RFPL4B: variants seen among roughly 807,000 people sequenced by gnomAD.
RFPL4B encodes ret finger protein like 4B, also known as ret finger protein-like 4B.
For synonymous variants in RFPL4B, 118 were observed against 126.3 expected (o/e 0.93, Z 0.44); for missense variants, 314 against 327.7 (o/e 0.96, Z 0.32).
rs140220240 is a variant in RFPL4B at position 112,350,088 on chromosome 6, C to T, written c.380C>T (p.Thr127Ile). The change falls in exon 3 of 3, where the codon ACA (threonine) becomes ATA (isoleucine). Residue 127 changes from threonine to isoleucine, a missense_variant. Coordinates refer to ENST00000441065, the MANE Select transcript of RFPL4B (RefSeq NM_001013734.3). ...TGTAAGAAGATCCACCACGATCTGACAAAAGATCCCAGGCTGGCCTGTGTC... is the reference window on the plus strand; with the variant it reads ...TGTAAGAAGATCCACCACGATCTGATAAAAGATCCCAGGCTGGCCTGTGTC... ...AQCKKIHHDL[T>I]KDPRLACVLG... 67 of 1,614,194 alleles carry T rather than the reference C, an allele frequency of 4.2e-5. No homozygotes were observed. In the African/African-American group the frequency reaches 7.7e-4, roughly 19 times the overall value.
intron 1 of RFPL4B, among the ~76,000 whole-genome samples, chr6:112,347,927 T>C (rs1302265348): frequency 6.6e-6 from 1 of 151,530 alleles, no homozygotes; most frequent in Non-Finnish European, 1.5e-5. Flanking sequence ...TGAGCCGAGA[T>C]GGAGCCACTG....
chr6:112,350,127 G>C lies in RFPL4B; in HGVS notation c.419G>C (p.Cys140Ser). The C allele has an allele frequency of 1.2e-6, 2 of 1,614,208 alleles. No homozygotes were observed. Among genetic ancestry groups the C allele is most frequent in the East Asian group, 4.5e-5 (2 of 44,878 alleles). The change falls in exon 3 of 3, where the codon TGC (cysteine) becomes TCC (serine). Residue 140 changes from cysteine to serine, a missense_variant. Physicochemically the swap from Cys to Ser is moderately radical, Grantham distance 112 (BLOSUM62 -1). Coordinates refer to ENST00000441065, the MANE Select transcript of RFPL4B (RefSeq NM_001013734.3). ...PRLACVLGTP[C>S]FSSGQHYWEV... ...CTGGCCTGTGTCCTGGGTACTCCCT[G>C]CTTCTCCTCCGGCCAACATTACTGG... is the stretch of plus-strand genomic sequence containing the variant.
chr6:112,347,552 A>G (rs1390911512), intron 1 of RFPL4B, 145 bp downstream of exon 1: 1 of 152,238 alleles, frequency 6.6e-6, no homozygotes, highest in African/African-American at 2.4e-5. Flanking sequence ...CTTCACCTTT[A>G]ACTATAACTT....
Position 112,349,973 on chromosome 6 carries a change from G to A in RFPL4B, c.265G>A (p.Glu89Lys). The change falls in exon 3 of 3, where the codon GAG becomes AAG. Residue 89 changes from glutamate to lysine, a missense_variant. Physicochemically the swap from Glu to Lys is moderately conservative, Grantham distance 56 (BLOSUM62 1). Transcript: ENST00000441065. ...RLEQSLHVREELRHFREDVTL... is the reference protein window; with the variant it reads ...RLEQSLHVREKLRHFREDVTL... ...TGAGCAAAGTCTGCACGTGAGGGAG[G>A]AGCTCCGGCATTTTCGGGAGGATGT... is the stretch of plus-strand genomic sequence containing the variant. 2 of 1,614,174 alleles carry A rather than the reference G, an allele frequency of 1.2e-6. No individual in the cohort carries two copies. Among genetic ancestry groups the A allele is most frequent in the Admixed American group, 3.3e-5 (2 of 60,022 alleles).
At chr6:112,349,155 T>A (rs1354470342) in intron 1 of RFPL4B, 38 bp from the exon 2 acceptor site, 2 of 152,334 alleles carry the variant, frequency 1.3e-5, no homozygotes, top group East Asian at 3.9e-4. Flanking sequence ...TTTTCATTAT[T>A]GAATTTAGAC....
Position 112,350,275 on chromosome 6 carries a change from C to T in RFPL4B, c.567C>T (p.Ile189=). The part of the protein sequence containing the change: ...GFWISMKAGA[I]HANTHLERIP... ...GGATCAGCATGAAGGCAGGAGCAAT[C>T]CATGCTAACACCCACCTGGAGAGAA... Residue 189 remains isoleucine, a synonymous_variant, in exon 3 of 3, where the codon ATC becomes ATT. Transcript: ENST00000441065. The T allele has an allele frequency of 6.2e-7, 1 of 1,614,184 alleles. No homozygotes were observed. The highest frequency in any genetic ancestry group is 8.5e-7 in the Non-Finnish European group (1 of 1,180,014).
Position 112,350,276 on chromosome 6 carries a change from C to T in RFPL4B, c.568C>T (p.His190Tyr), listed in dbSNP as rs1789136718. 6.2e-7 allele frequency: 1 copy of T among 1,614,228 alleles called. No individual in the cohort carries two copies. The highest frequency in any genetic ancestry group is 8.5e-7 in the Non-Finnish European group (1 of 1,180,038). ...FWISMKAGAI[H>Y]ANTHLERIPA... ...GATCAGCATGAAGGCAGGAGCAATC[C>T]ATGCTAACACCCACCTGGAGAGAAT... Residue 190 changes from histidine (H) to tyrosine (Y), a missense_variant, in exon 3 of 3, where the codon CAT becomes TAT. Physicochemically the swap from His to Tyr is moderately conservative, Grantham distance 83. Transcript: ENST00000441065.
chr6:112,349,881 T>A lies in RFPL4B; in HGVS notation c.173T>A (p.Val58Glu). The A allele has an allele frequency of 6.2e-7, 1 of 1,614,146 alleles. No homozygotes were observed. Among genetic ancestry groups the A allele is most frequent in the Non-Finnish European group, 8.5e-7 (1 of 1,180,004 alleles). Residue 58 changes from valine (V) to glutamate (E), a missense_variant, in exon 3 of 3, where the codon GTA (valine) becomes GAA (glutamate). Val to Glu is a moderately radical substitution (Grantham distance 121). Coordinates refer to ENST00000441065, the MANE Select transcript of RFPL4B (RefSeq NM_001013734.3). ...CCCTTGTGTCGAGACGTGGTGAAGGTACCTGCTTTGGAAGAATGGCAAGTG... is the reference window on the plus strand; with the variant it reads ...CCCTTGTGTCGAGACGTGGTGAAGGAACCTGCTTTGGAAGAATGGCAAGTG... The part of the protein sequence containing the change: ...MCPLCRDVVK[V>E]PALEEWQVSV...
rs751667040 is a variant in RFPL4B, at chr6:112,350,256, G to A, written c.548G>A (p.Ser183Asn). Residue 183 changes from serine to asparagine, a missense_variant, in exon 3 of 3, where the codon AGC becomes AAC. Ser to Asn is a conservative substitution (Grantham distance 46, BLOSUM62 1). Coordinates refer to ENST00000441065, the MANE Select transcript of RFPL4B (RefSeq NM_001013734.3). ...DLFPEHGFWI[S>N]MKAGAIHANT... ...TTCCCTGAGCATGGCTTCTGGATCA[G>A]CATGAAGGCAGGAGCAATCCATGCT... 1.2e-6 allele frequency: 2 copies of A among 1,614,106 alleles called. No individual in the cohort carries two copies. The highest frequency in any genetic ancestry group is 1.3e-5 in the African/African-American group (1 of 74,956).
At position 112,350,007 on chromosome 6, in the gene RFPL4B, A is replaced by G; in HGVS notation, c.299A>G (p.Asp100Gly). Reference sequence around the variant, plus strand: ...CATTTTCGGGAGGATGTGACCCTGGATGCAGCCACTGCCAGCTCCCTCCTT... The same window carrying G: ...CATTTTCGGGAGGATGTGACCCTGGGTGCAGCCACTGCCAGCTCCCTCCTT... ...LRHFREDVTL[D>G]AATASSLLVF... Residue 100 changes from aspartate to glycine, a missense_variant, in exon 3 of 3, where the codon GAT becomes GGT. Asp to Gly is a moderately conservative substitution (Grantham distance 94, BLOSUM62 -1). Transcript: ENST00000441065. 1 of 1,614,192 alleles carries G rather than the reference A, an allele frequency of 6.2e-7. No individual in the cohort carries two copies. The highest frequency in any genetic ancestry group is 8.5e-7 in the Non-Finnish European group (1 of 1,180,046).
rs1269943437 is a variant in RFPL4B, at chr6:112,350,099, A to C, written c.391A>C (p.Arg131=). The C allele has an allele frequency of 6.2e-7, 1 of 1,614,118 alleles. No homozygotes were observed. Among genetic ancestry groups the C allele is most frequent in the Admixed American group, 1.7e-5 (1 of 60,010 alleles). Residue 131 remains arginine, a synonymous_variant, in exon 3 of 3, where the codon AGG becomes CGG. Transcript: ENST00000441065. ...CCACCACGATCTGACAAAAGATCCC[A>C]GGCTGGCCTGTGTCCTGGGTACTCC... ...KIHHDLTKDP[R]LACVLGTPCF...
intron 1 of RFPL4B, among the ~76,000 whole-genome samples, chr6:112,348,659 G>A (rs1245997193): frequency 6.6e-6 from 1 of 152,196 alleles, no homozygotes; most frequent in African/African-American, 2.4e-5. Context: ...TTGGAGAACA[G>A]TCCTCTGTTC....
chr6:112,347,738 T>G (rs1582409812), intron 1 of RFPL4B, among the ~76,000 whole-genome samples: 1 of 152,372 alleles, frequency 6.6e-6, no homozygotes, highest in East Asian at 1.9e-4. Context: ...CGCCTGCGCT[T>G]TGGGAGGCTG....
At position 112,350,102 on chromosome 6, in the gene RFPL4B, C is replaced by G; in HGVS notation, c.394C>G (p.Leu132Val). 1 of 1,614,212 alleles carries G rather than the reference C, an allele frequency of 6.2e-7. No individual in the cohort carries two copies. The highest frequency in any genetic ancestry group is 8.5e-7 in the Non-Finnish European group (1 of 1,180,044). ...CCACGATCTGACAAAAGATCCCAGG[C>G]TGGCCTGTGTCCTGGGTACTCCCTG... ...IHHDLTKDPR[L>V]ACVLGTPCFS... is the part of the protein sequence containing the mutation. Residue 132 changes from leucine (L) to valine (V), a missense_variant, in exon 3 of 3, where the codon CTG becomes GTG. Transcript: ENST00000441065.
Position 112,347,349 on chromosome 6 carries a change from AGAG to A in RFPL4B, c.-291_-289del, listed in dbSNP as rs1349581316. The A allele has an allele frequency of 6.6e-6, 1 of 152,204 alleles. No individual in the cohort carries two copies. Among genetic ancestry groups the A allele is most frequent in the Non-Finnish European group, 1.5e-5 (1 of 68,048 alleles). The allele number at this position is 152,204 out of a possible 1,614,324, so 9.4% of individuals were successfully genotyped here. A position where few individuals can be genotyped will look rare whatever the true frequency, so the allele number is the denominator to read the frequency against. On this transcript the variant is annotated 5_prime_UTR_variant, in exon 1 of 3. Coordinates refer to ENST00000441065, the MANE Select transcript of RFPL4B (RefSeq NM_001013734.3). ...AACTCCGAGAGGAGCAGAGGTCTGT[AGAG>A]GTAGAGACGTAGGCTTCGGATCTTT... is the stretch of plus-strand genomic sequence containing the variant.
chr6:112,350,613 T>C lies in RFPL4B; in HGVS notation c.*113T>C. The stretch of plus-strand genomic sequence containing the variant: ...TGCTATAGTGCAAAGACTTGGTAAA[T>C]TTTTAAAGTAGATTTTGTAGACTTT... On this transcript the variant is annotated 3_prime_UTR_variant, in exon 3 of 3. Coordinates refer to ENST00000441065, the MANE Select transcript of RFPL4B (RefSeq NM_001013734.3). 2 of 819,702 alleles carry C rather than the reference T, an allele frequency of 2.4e-6. No homozygotes were observed. Among genetic ancestry groups the C allele is most frequent in the Non-Finnish European group, 3.7e-6 (2 of 539,414 alleles). 50.8% of individuals were successfully genotyped at this position (819,702 alleles called of 1,614,324 possible).
rs1237720836 is a variant in RFPL4B at position 112,350,401 on chromosome 6, A to G, written c.693A>G (p.Thr231=). The G allele has an allele frequency of 6.2e-7, 1 of 1,613,958 alleles. No homozygotes were observed. The highest frequency in any genetic ancestry group is 8.5e-7 in the Non-Finnish European group (1 of 1,179,880). ...FDVDNNVLIY[T]HDGFFSLELL... is the part of the protein sequence containing the mutation. ...TTGACAATAATGTCCTCATCTATAC[A>G]CATGATGGTTTCTTCTCTTTGGAGC... The change falls in exon 3 of 3, where the codon ACA becomes ACG. Residue 231 remains threonine, a synonymous_variant. Coordinates refer to ENST00000441065, the MANE Select transcript of RFPL4B (RefSeq NM_001013734.3).
chr6:112,349,678 C>T lies in RFPL4B; in HGVS notation c.-31C>T, dbSNP rs748320948. The T allele has an allele frequency of 6.3e-7, 1 of 1,596,500 alleles. No individual in the cohort carries two copies. Among genetic ancestry groups the T allele is most frequent in the Non-Finnish European group, 8.6e-7 (1 of 1,169,078 alleles). ...GCCAATAAAGGATCACTTCAGTTTA[C>T]TTCACGGCTAAGGAGTAACCCTTAA... On this transcript the variant is annotated 5_prime_UTR_variant, in exon 3 of 3. Coordinates refer to ENST00000441065, the MANE Select transcript of RFPL4B (RefSeq NM_001013734.3).
Position 112,350,806 on chromosome 6 carries a change from T to G in RFPL4B, c.*306T>G, listed in dbSNP as rs1194517678. On this transcript the variant is annotated 3_prime_UTR_variant, in exon 3 of 3. Coordinates refer to ENST00000441065, the MANE Select transcript of RFPL4B (RefSeq NM_001013734.3). Reference sequence around the variant, plus strand: ...GCTGTGGTAATTAGAGACAATACTATGCCTTTGTCTTATAGTAAATAACAA... The same window carrying G: ...GCTGTGGTAATTAGAGACAATACTAGGCCTTTGTCTTATAGTAAATAACAA... 7.5e-6 allele frequency: 2 copies of G among 266,448 alleles called. No individual in the cohort carries two copies. The highest frequency in any genetic ancestry group is 1.5e-5 in the Non-Finnish European group (2 of 130,898). The allele number at this position is 266,448 out of a possible 1,614,324, so 16.5% of individuals were successfully genotyped here. A position where few individuals can be genotyped will look rare whatever the true frequency, so the allele number is the denominator to read the frequency against.
Sources: gnomAD v4.1 joint callset for allele counts (sites outside exome capture counted in the v4.1 genomes callset) on GRCh38, gnomAD v4.1.1 for gene constraint, MANE v1.5 for transcripts, NCBI Gene and HGNC (gene_info 2026-07-23, HGNC 2026-07-21) for gene names.